The following ACSM2A variants were observed in gnomAD, a reference collection of about 807,000 sequenced individuals.
The protein encoded by ACSM2A is acyl-coenzyme A synthetase ACSM2A, mitochondrial.
ACSM2A carries 72 observed loss-of-function variants against 76.6 expected under a neutral mutation model. The ratio of observed to expected loss-of-function variants is 0.94; its 90% CI spans 0.78 to 1.14. The LOEUF is 1.14. Ranked by LOEUF, ACSM2A falls within the 50% of genes most tolerant of loss-of-function variation. The probability of loss-of-function intolerance (pLI) is 0.00; values close to 1 mark genes in which losing one functional copy is unlikely to be tolerated. For missense variants in ACSM2A, 684 were observed against 708.5 expected, an observed-to-expected ratio of 0.97 and a Z score of 0.39; for synonymous variants, 249 against 255.9, an observed-to-expected ratio of 0.97 and a Z score of 0.26.
intron 3 of ACSM2A, among the ~76,000 whole-genome samples, chr16:20,467,845 G>A (rs2013107894): frequency 6.6e-6 from 1 of 152,030 alleles, no homozygotes. Flanking sequence ...ACATTAAAAG[G>A]ATGAGAAGTA....
In ACSM2A at chr16:20,486,738, C is replaced by A. The variant is rs541264077; in HGVS notation, c.*60C>A. 1,203 of 1,582,252 alleles carry A rather than the reference C, an allele frequency of 7.6e-4. 1 individual carries two copies. The highest frequency in any genetic ancestry group is 1.0e-3 in the South Asian group (92 of 89,560). ...TCTTTCTCTTTCTTTTCCCTTTGGG[C>A]CCTTGGCCTTCCTATGATTATATGA... On this transcript the variant is annotated 3_prime_UTR_variant, in exon 14 of 14. Transcript: ENST00000573854.
rs376479377 is a variant in ACSM2A at position 20,478,614 on chromosome 16, A to T, written c.1218A>T (p.Thr406=). The change falls in exon 10 of 14, where the codon ACA becomes ACT. Residue 406 remains threonine, a synonymous_variant. Transcript: ENST00000573854. ...AGGGCAACGTCCTGCCCCCCGGCAC[A>T]GAAGGAGACATTGGCATCAGGGTCA... ...DDKGNVLPPG[T]EGDIGIRVKP... 5.6e-6 allele frequency: 9 copies of T among 1,613,848 alleles called. No homozygotes were observed. Among genetic ancestry groups the T allele is most frequent in the Admixed American group, 3.3e-5 (2 of 60,002 alleles).
At chr16:20,473,396 G>A (rs576522493) in intron 6 of ACSM2A, among the ~76,000 whole-genome samples, 1 of 152,302 alleles carries the variant, frequency 6.6e-6, no homozygotes, top group East Asian at 1.9e-4. Context: ...GGTTGGAGGT[G>A]TAGGGTGGAA....
intron 6 of ACSM2A, 128 bp from the exon 7 acceptor site, chr16:20,475,234 T>C: frequency 6.4e-7 from 1 of 1,558,212 alleles, no homozygotes; most frequent in South Asian, 1.2e-5. Context: ...GAATCAGACA[T>C]AGTAAACAAG....
rs1157928626 is a variant in ACSM2A at position 20,451,546 on chromosome 16, A to C, written c.-144A>C. On this transcript the variant is annotated 5_prime_UTR_variant, in exon 1 of 14. Transcript: ENST00000573854. ...AATGATTAGCTGAGCTCTCTTTCTG[A>C]CAGTGCAGGGATTCTGAAGCTGTCT... 6.6e-6 allele frequency: 1 copy of C among 151,778 alleles called. No individual in the cohort carries two copies. The highest frequency in any genetic ancestry group is 1.5e-5 in the Non-Finnish European group (1 of 67,948). The allele number at this position is 151,778 out of a possible 1,614,324, so 9.4% of individuals were successfully genotyped here.
chr16:20,470,692 T>C (rs2013334061), intron 4 of ACSM2A: 1 of 418,794 alleles, frequency 2.4e-6, no homozygotes, highest in South Asian at 1.8e-5. Flanking sequence ...CCTGTCCACT[T>C]GGTGTCATGC....
At chr16:20,483,257 G>A in intron 13 of ACSM2A, 80 bp downstream of exon 13, 2 of 1,572,938 alleles carry the variant, frequency 1.3e-6, no homozygotes, top group Non-Finnish European at 8.7e-7. Context: ...TTCAGGAGGA[G>A]GACAGTCCTC....
At chr16:20,476,695 G>T in intron 8 of ACSM2A, 1 of 993,456 alleles carries the variant, frequency 1.0e-6, no homozygotes, top group Non-Finnish European at 1.2e-6. Flanking sequence ...AGCACAGTGG[G>T]TGGCGGGAAA....
chr16:20,475,162 T>C (rs752447456), intron 6 of ACSM2A, among the ~76,000 whole-genome samples, 200 bp from the exon 7 acceptor site: 6 of 152,212 alleles, frequency 3.9e-5, no homozygotes, highest in Non-Finnish European at 7.3e-5. Flanking sequence ...CAATAATATG[T>C]ATTCATTTCC....
intron 1 of ACSM2A, among the ~76,000 whole-genome samples, chr16:20,458,933 C>CATAT (rs1213129201): frequency 5.8e-5 from 2 of 34,212 alleles, no homozygotes; most frequent in African/African-American, 3.7e-4. Flanking sequence ...TATATATATA[C>CATAT]ATATATATAT....
Position 20,486,971 on chromosome 16 carries a change from A to G in ACSM2A, c.*293A>G, listed in dbSNP as rs1007388413. 7 of 258,774 alleles carry G rather than the reference A, an allele frequency of 2.7e-5. No individual in the cohort carries two copies. The highest frequency in any genetic ancestry group is 6.7e-5 in the African/African-American group (3 of 44,934). The allele number at this position is 258,774 out of a possible 1,614,324, so 16.0% of individuals were successfully genotyped here. On this transcript the variant is annotated 3_prime_UTR_variant, in exon 14 of 14. Coordinates refer to ENST00000573854, the MANE Select transcript of ACSM2A (RefSeq NM_001308172.2). ...ATTGAAAAAGAAATAAAGTAGGGAA[A>G]GAAGGAGAGAGGAAGCAAGGGAAGG... is the stretch of plus-strand genomic sequence containing the variant.
chr16:20,477,469 G>A lies in ACSM2A; in HGVS notation c.1179+20G>A. ...GTACAGGTTTGCTCGGGACACTGAG[G>A]AGGGAGGAAGTTAGGGGAAACACTG... On this transcript the variant is annotated intron_variant, in intron 9 of 13. Coordinates refer to ENST00000573854, the MANE Select transcript of ACSM2A (RefSeq NM_001308172.2). 1 of 1,586,322 alleles carries A rather than the reference G, an allele frequency of 6.3e-7. No individual in the cohort carries two copies. Among genetic ancestry groups the A allele is most frequent in the Non-Finnish European group, 8.6e-7 (1 of 1,168,130 alleles).
chr16:20,466,832 G>A (rs2013028631), intron 3 of ACSM2A, among the ~76,000 whole-genome samples: 1 of 152,100 alleles, frequency 6.6e-6, no homozygotes. Context: ...GAGAAATTGG[G>A]GAGGTTACAA....
At chr16:20,459,845 A>C (rs1451679058) in intron 1 of ACSM2A, among the ~76,000 whole-genome samples, 3 of 152,196 alleles carry the variant, frequency 2.0e-5, no homozygotes, top group Admixed American at 6.5e-5. Flanking sequence ...GATTTATTAC[A>C]TGGAAATGGG....
At chr16:20,482,997 T>C in intron 12 of ACSM2A, 61 bp from the exon 13 acceptor site, 1 of 1,587,098 alleles carries the variant, frequency 6.3e-7, no homozygotes, top group Non-Finnish European at 8.6e-7. Flanking sequence ...CAATTTCACA[T>C]TATTCCAGGA....
Position 20,486,895 on chromosome 16 carries a change from A to AAAAGG in ACSM2A, c.*222_*226dup. ...AGTGAAAAGGAGAGGGTAACAGAAAAAAAGGAAAGAAAAGTAAGTCAGGGA... is the reference window on the plus strand; with the variant it reads ...AGTGAAAAGGAGAGGGTAACAGAAAAAAAGGAAAGGAAAGAAAAGTAAGTCAGGGA... On this transcript the variant is annotated 3_prime_UTR_variant, in exon 14 of 14. Coordinates refer to ENST00000573854, the MANE Select transcript of ACSM2A (RefSeq NM_001308172.2). 1 of 478,260 alleles carries AAAAGG rather than the reference A, an allele frequency of 2.1e-6. No homozygotes were observed. The highest frequency in any genetic ancestry group is 3.6e-6 in the Non-Finnish European group (1 of 277,572). The allele number at this position is 478,260 out of a possible 1,614,324, so 29.6% of individuals were successfully genotyped here.
At position 20,469,636 on chromosome 16, in the gene ACSM2A, A is replaced by G. The variant is rs1165634887; in HGVS notation, c.513A>G (p.Ala171=). 6.2e-7 allele frequency: 1 copy of G among 1,613,932 alleles called. No individual in the cohort carries two copies. Among genetic ancestry groups the G allele is most frequent in the South Asian group, 1.1e-5 (1 of 91,072 alleles). The change falls in exon 4 of 14, where the codon GCA becomes GCG. Residue 171 remains alanine, a synonymous_variant. Transcript: ENST00000573854. ...TCATCCAAGAAGTGGACACAGTGGC[A>G]TCTGAATGTCCTTCTCTGAGAATTA... ...DEVIQEVDTV[A]SECPSLRIKL... is the part of the protein sequence containing the mutation.
At chr16:20,470,631 A>G (rs2141722887) in intron 4 of ACSM2A, among the ~76,000 whole-genome samples, 1 of 152,322 alleles carries the variant, frequency 6.6e-6, no homozygotes, top group East Asian at 1.9e-4. Flanking sequence ...TCCAGGGAAT[A>G]GAAGAGAATG....
In ACSM2A at chr16:20,475,788, G is replaced by A; in HGVS notation, c.1098+15G>A. 1 of 1,613,232 alleles carries A rather than the reference G, an allele frequency of 6.2e-7. No individual in the cohort carries two copies. Among genetic ancestry groups the A allele is most frequent in the Non-Finnish European group, 8.5e-7 (1 of 1,179,558 alleles). On this transcript the variant is annotated intron_variant, in intron 8 of 13. Transcript: ENST00000573854. ...AGACAGAAACGGTACCTGTTCCCAG[G>A]GGAACCATGGGCTGTGTGCACTTTT...
Sources: gnomAD v4.1 joint callset for allele counts (sites outside exome capture counted in the v4.1 genomes callset) on GRCh38, gnomAD v4.1.1 for gene constraint, MANE v1.5 for transcripts, NCBI Gene and HGNC (gene_info 2026-07-23, HGNC 2026-07-21) for gene names.